Variants in NUP160 observed in about 807,000 individuals in gnomAD.
NUP160 encodes the protein nucleoporin 160.
NUP160 carries 94 observed loss-of-function variants against 196.9 expected under a neutral mutation model. That is an observed-to-expected ratio of 0.48 (90% CI 0.40 to 0.57). The LOEUF is 0.57. NUP160 is among the 20% of genes least tolerant of loss of function. The pLI, the probability that NUP160 is intolerant of heterozygous loss-of-function variation, is 0.00. For missense variants in NUP160, 1,638 were observed against 1,748.3 expected, an observed-to-expected ratio of 0.94 and a Z score of 1.13; for synonymous variants, 605 against 619.7, an observed-to-expected ratio of 0.98 and a Z score of 0.35.
At chr11:47,792,610 AG>A in intron 28 of NUP160, 175 bp downstream of exon 28, 1 of 589,902 alleles carries the variant, frequency 1.7e-6, no homozygotes, top group Non-Finnish European at 2.8e-6. Flanking sequence ...TGAAAACTAA[AG>A]GGGTAGTAAT....
chr11:47,838,764 G>C (rs1045470149), intron 4 of NUP160, among the ~76,000 whole-genome samples: 1 of 152,022 alleles, frequency 6.6e-6, no homozygotes, highest in Non-Finnish European at 1.5e-5. Context: ...CCAACACTTT[G>C]GGAGGCTGAG....
exon 18 of NUP160, chr11:47,808,457 A>G (rs770782866): frequency 3.7e-6 from 6 of 1,613,944 alleles, no homozygotes; most frequent in Non-Finnish European, 5.1e-6. Context: ...AGGTAATAAG[A>G]TAAGAGTAGG....
intron 9 of NUP160, chr11:47,821,336 T>C (rs16938631): frequency 0.072 from 10,474 of 146,278 alleles, 1,031 homozygotes; most frequent in African/African-American, 0.23. Context: ...TGGTTCTACA[T>C]AAAAAGCTCC....
intron 4 of NUP160, among the ~76,000 whole-genome samples, chr11:47,838,639 G>GA (rs72512069): frequency 6.6e-6 from 1 of 151,806 alleles, no homozygotes; most frequent in Admixed American, 6.6e-5. Flanking sequence ...ACCTGGGGGG[G>GA]GCGGAGGTTG....
At chr11:47,779,087 G>T (rs376840236) in exon 36 of NUP160, 20 of 1,596,226 alleles carry the variant, frequency 1.3e-5, no homozygotes, top group East Asian at 2.2e-5. Flanking sequence ...GGTTACAAAG[G>T]CTAGGTGACA....
chr11:47,840,396 G>A (rs776395125), exon 3 of NUP160: 4 of 1,613,732 alleles, frequency 2.5e-6, no homozygotes, highest in South Asian at 1.1e-5. Context: ...ACATCCGGGA[G>A]GGGTGTGGTA....
chr11:47,829,748 G>T (rs549829466), intron 7 of NUP160, among the ~76,000 whole-genome samples: 1 of 152,130 alleles, frequency 6.6e-6, no homozygotes, highest in South Asian at 2.1e-4. Flanking sequence ...AACATAACAC[G>T]CAAAACTATA....
Position 47,831,894 on chromosome 11 carries a change from C to CTTTTTTTTTTTTTT in NUP160, c.1101+3743_1101+3756dup, listed in dbSNP as rs554204043. On this transcript the variant is annotated intron_variant, in intron 7 of 35. Transcript: ENST00000378460. ...GAGACAGATCTGATCTAATAAATTCCTTTTTTTTTTTTTTTTTTTTTTTTT... is the reference window on the plus strand; with the variant it reads ...GAGACAGATCTGATCTAATAAATTCCTTTTTTTTTTTTTTTTTTTTTTTTTTTTTTTTTTTTTTT... Among the ~76,000 whole-genome samples, 108 of 69,980 alleles carry CTTTTTTTTTTTTTT rather than the reference C, an allele frequency of 1.5e-3. 4 individuals are homozygous for CTTTTTTTTTTTTTT. The highest frequency in any genetic ancestry group is 6.4e-3 in the African/African-American group (104 of 16,192). 45.9% of individuals were successfully genotyped at this position (69,980 alleles called of 152,430 possible).
intron 9 of NUP160, among the ~76,000 whole-genome samples, chr11:47,820,934 T>TAG (rs1242425113): frequency 6.6e-6 from 1 of 152,128 alleles, no homozygotes; most frequent in African/African-American, 2.4e-5. Flanking sequence ...CCTCCCACCT[T>TAG]AGCCTCACAA....
intron 27 of NUP160, 107 bp from the exon 28 acceptor site, chr11:47,793,053 C>T: frequency 1.2e-6 from 1 of 856,124 alleles, no homozygotes. Context: ...ATGGCTTGAT[C>T]TCAGCTCACT....
intron 27 of NUP160, among the ~76,000 whole-genome samples, chr11:47,794,018 A>T (rs1316079069): frequency 1.3e-5 from 2 of 152,124 alleles, no homozygotes; most frequent in Non-Finnish European, 2.9e-5. Context: ...ATACTATATG[A>T]TTCAAGCAGC....
intron 21 of NUP160, among the ~76,000 whole-genome samples, chr11:47,803,905 G>T (rs1296330684): frequency 6.6e-6 from 1 of 152,144 alleles, no homozygotes; most frequent in Non-Finnish European, 1.5e-5. Flanking sequence ...CACTCTAGAG[G>T]CCAGGCACGG....
intron 7 of NUP160, among the ~76,000 whole-genome samples, chr11:47,822,626 G>A (rs1851887241): frequency 6.6e-6 from 1 of 151,730 alleles, no homozygotes; most frequent in Non-Finnish European, 1.5e-5. Context: ...ACAACGTGCA[G>A]GTTTGTTACA....
chr11:47,822,161 A>C, exon 8 of NUP160: 2 of 1,596,366 alleles, frequency 1.3e-6, no homozygotes, highest in Non-Finnish European at 1.7e-6. Flanking sequence ...TGGAAAATGC[A>C]GAACTGTTAA....
intron 27 of NUP160, 88 bp downstream of exon 27, chr11:47,797,691 T>C: frequency 1.1e-6 from 1 of 875,194 alleles, no homozygotes; most frequent in Admixed American, 2.0e-5. Context: ...ATATTAAAAA[T>C]TACCTAAGTC....
intron 2 of NUP160, among the ~76,000 whole-genome samples, chr11:47,840,862 T>C (rs911545792): frequency 1.3e-5 from 2 of 152,220 alleles, no homozygotes; most frequent in Non-Finnish European, 2.9e-5. Context: ...TTAACTCTAC[T>C]ATAATAAAAA....
exon 26 of NUP160, chr11:47,798,049 C>A: frequency 6.3e-7 from 1 of 1,580,308 alleles, no homozygotes; most frequent in African/African-American, 1.4e-5. Flanking sequence ...AGAACTACCA[C>A]CAACTGCCGT....
At chr11:47,787,557 G>T (rs1490439909) in intron 31 of NUP160, among the ~76,000 whole-genome samples, 2 of 150,860 alleles carry the variant, frequency 1.3e-5, no homozygotes, top group Non-Finnish European at 2.9e-5. Context: ...AGCCTCCTGA[G>T]AGGCTGAAAT....
intron 9 of NUP160, among the ~76,000 whole-genome samples, chr11:47,820,683 C>T (rs2135383768): frequency 6.6e-6 from 1 of 152,234 alleles, no homozygotes; most frequent in Admixed American, 6.5e-5. Context: ...TCCTGAGTAG[C>T]TGGGATTACA....
Sources: allele counts gnomAD v4.1 joint callset (sites outside exome capture counted in the v4.1 genomes callset), GRCh38; gene constraint gnomAD v4.1.1; transcripts MANE v1.5; gene names NCBI Gene and HGNC (gene_info 2026-07-23, HGNC 2026-07-21).